BBS9: variants seen among roughly 807,000 people sequenced by gnomAD.
The protein encoded by BBS9 is protein PTHB1.
Under a neutral mutation model 117.7 loss-of-function variants are expected in BBS9, and 89 were observed. That is an observed-to-expected ratio of 0.76 (90% CI 0.64 to 0.90). The LOEUF is 0.90. BBS9 is among the 40% of genes least tolerant of loss of function. The probability of loss-of-function intolerance (pLI) is 0.00; values close to 1 mark genes in which losing one functional copy is unlikely to be tolerated. For synonymous variants in BBS9, 379 were observed against 370.9 expected, an observed-to-expected ratio of 1.02 and a Z score of -0.25; for missense variants, 982 against 1,042.2, an observed-to-expected ratio of 0.94 and a Z score of 0.80.
chr7:33,529,527 C>T (rs1313821702), intron 20 of BBS9, among the ~76,000 whole-genome samples: 2 of 152,090 alleles, frequency 1.3e-5, no homozygotes, highest in African/African-American at 2.4e-5. Flanking sequence ...AGTTAATTTC[C>T]AATAACGACA....
intron 20 of BBS9, among the ~76,000 whole-genome samples, chr7:33,521,548 G>C (rs1315508583): frequency 2.0e-5 from 3 of 152,190 alleles, no homozygotes; most frequent in Non-Finnish European, 2.9e-5. Flanking sequence ...ACTGGGGAAT[G>C]AGAGTTAGTA....
At chr7:33,581,298 A>G (rs1859872898) in intron 21 of BBS9, among the ~76,000 whole-genome samples, 1 of 152,136 alleles carries the variant, frequency 6.6e-6, no homozygotes, top group East Asian at 1.9e-4. Context: ...CACTGGCGAA[A>G]TGGAAGGTCA....
chr7:33,207,355 G>A (rs904490061), intron 5 of BBS9, among the ~76,000 whole-genome samples: 1 of 152,106 alleles, frequency 6.6e-6, no homozygotes, highest in African/African-American at 2.4e-5. Flanking sequence ...TCTACTGTAA[G>A]CAGTAGATCT....
At chr7:33,348,556 G>A (rs1023791721) in intron 12 of BBS9, among the ~76,000 whole-genome samples, 1 of 152,048 alleles carries the variant, frequency 6.6e-6, no homozygotes, top group African/African-American at 2.4e-5. Context: ...GATTTTGGGT[G>A]GACCTATGTT....
chr7:33,234,230 A>T (rs370854811), intron 5 of BBS9, among the ~76,000 whole-genome samples: 4 of 152,076 alleles, frequency 2.6e-5, no homozygotes, highest in South Asian at 2.1e-4. Context: ...AGGAAAAAAC[A>T]GTGTGTGTAT....
At chr7:33,540,979 G>C (rs1038563254) in intron 21 of BBS9, among the ~76,000 whole-genome samples, 5 of 152,124 alleles carry the variant, frequency 3.3e-5, no homozygotes, top group African/African-American at 1.2e-4. Context: ...AATGAGACAG[G>C]TTTCCTCATA....
intron 20 of BBS9, among the ~76,000 whole-genome samples, chr7:33,516,191 T>C (rs1020306860): frequency 1.3e-5 from 2 of 152,134 alleles, no homozygotes; most frequent in Admixed American, 6.5e-5. Flanking sequence ...AGAAATGTCC[T>C]ATAATTGATG....
intron 9 of BBS9, among the ~76,000 whole-genome samples, chr7:33,329,157 A>G (rs193209433): frequency 2.0e-4 from 31 of 152,228 alleles, no homozygotes; most frequent in South Asian, 1.2e-3. Flanking sequence ...CCTATCTGGG[A>G]TTACAGGTGC....
intron 1 of BBS9, among the ~76,000 whole-genome samples, chr7:33,133,590 T>C (rs760357558): frequency 6.6e-6 from 1 of 152,246 alleles, no homozygotes; most frequent in Non-Finnish European, 1.5e-5. Context: ...AAAACCTATA[T>C]GCTTTTATTT....
chr7:33,607,250 A>G (rs927620410), downstream of BBS9, among the ~76,000 whole-genome samples: 1 of 152,138 alleles, frequency 6.6e-6, no homozygotes, highest in African/African-American at 2.4e-5. Flanking sequence ...GGTGATTTAG[A>G]ACATTGTGGT....
chr7:33,580,935 A>G (rs982574688), intron 21 of BBS9, among the ~76,000 whole-genome samples: 1 of 152,098 alleles, frequency 6.6e-6, no homozygotes, highest in African/African-American at 2.4e-5. Context: ...TTAGAACAGA[A>G]CCTTTGGAAA....
intron 19 of BBS9, among the ~76,000 whole-genome samples, chr7:33,414,090 ACCCAGCTT>A (rs1399207142): frequency 6.6e-6 from 1 of 152,088 alleles, no homozygotes; most frequent in East Asian, 1.9e-4. Context: ...CTGAAGAAGA[ACCCAGCTT>A]CCCAGAGGAG....
intron 19 of BBS9, among the ~76,000 whole-genome samples, chr7:33,433,410 T>C (rs1834825331): frequency 6.6e-6 from 1 of 152,216 alleles, no homozygotes; most frequent in Non-Finnish European, 1.5e-5. Context: ...AGAGTTGCAA[T>C]AATTTTCCCA....
intron 17 of BBS9, among the ~76,000 whole-genome samples, chr7:33,374,203 G>A (rs1823383727): frequency 6.6e-6 from 1 of 152,132 alleles, no homozygotes; most frequent in Non-Finnish European, 1.5e-5. Context: ...GGAAGGAGTA[G>A]GAGACTATCA....
At chr7:33,235,398 C>T (rs1793287764) in intron 5 of BBS9, among the ~76,000 whole-genome samples, 1 of 152,050 alleles carries the variant, frequency 6.6e-6, no homozygotes, top group Non-Finnish European at 1.5e-5. Context: ...TTTATTACTA[C>T]TTTTAAGCAA....
intron 9 of BBS9, among the ~76,000 whole-genome samples, chr7:33,276,656 G>T (rs1562925138): frequency 6.6e-6 from 1 of 152,074 alleles, no homozygotes; most frequent in South Asian, 2.1e-4. Context: ...AAAGAAAAAA[G>T]AAAAAAACAG....
intron 21 of BBS9, among the ~76,000 whole-genome samples, chr7:33,590,235 G>T (rs1010486342): frequency 2.0e-5 from 3 of 152,024 alleles, no homozygotes; most frequent in Non-Finnish European, 2.9e-5. Context: ...AAAAAGAAGA[G>T]TTGTAAAGAG....
At position 33,450,109 on chromosome 7, in the gene BBS9, T is replaced by C. The variant is rs1392734431; in HGVS notation, c.2116-55354T>C. ...TTGACCACTTTAGATACCTCATAAG[T>C]AGAATCGTGCAGTGGAATCATGTCT... On this transcript the variant is annotated intron_variant, in intron 19 of 22. Coordinates refer to ENST00000242067, the MANE Select transcript of BBS9 (RefSeq NM_198428.3). Among the ~76,000 whole-genome samples the C allele has an allele frequency of 2.6e-5, 4 of 152,216 alleles. No homozygotes were observed. The East Asian group carries it at 7.7e-4, about 29-fold the overall frequency.
chr7:33,468,519 T>G lies in BBS9; in HGVS notation c.2116-36944T>G, dbSNP rs961307317. Among the ~76,000 whole-genome samples, 5 of 152,208 alleles carry G rather than the reference T, an allele frequency of 3.3e-5. No homozygotes were observed. The East Asian group carries it at 9.6e-4, about 29-fold the overall frequency. On this transcript the variant is annotated intron_variant, in intron 19 of 22. Coordinates refer to ENST00000242067, the MANE Select transcript of BBS9 (RefSeq NM_198428.3). ...ATCATCTCAAATATTTATCATTTCT[T>G]TGTGTTGAAAACATTTGAAATCTTC...
Sources: allele counts gnomAD v4.1 joint callset (sites outside exome capture counted in the v4.1 genomes callset), GRCh38; gene constraint gnomAD v4.1.1; transcripts MANE v1.5; gene names NCBI Gene and HGNC (gene_info 2026-07-23, HGNC 2026-07-21).